The following COL20A1 variants were observed in gnomAD, a reference collection of about 807,000 sequenced individuals.
The protein encoded by COL20A1 is collagen alpha-1(XX) chain.
COL20A1 carries 164 observed loss-of-function variants against 152.9 expected under a neutral mutation model. That is an observed-to-expected ratio of 1.07 (90% CI 0.94 to 1.22). The LOEUF (loss-of-function observed/expected upper bound fraction) is 1.22. Among genes scored for constraint, COL20A1 ranks in the 50% most tolerant of loss-of-function variants. The pLI is 0.00. For missense variants in COL20A1, 1,873 were observed against 1,744.8 expected (o/e 1.07, Z -1.31); for synonymous variants, 864 against 756.0 (o/e 1.14, Z -2.34).
At chr20:63,307,405 G>A in intron 5 of COL20A1, 85 bp from the exon 6 acceptor site, 1 of 1,344,874 alleles carries the variant, frequency 7.4e-7, no homozygotes, top group East Asian at 2.4e-5. Flanking sequence ...TCACTCTTGT[G>A]GCTGGAGCCC....
chr20:63,298,668 C>G (rs1240617362), intron 3 of COL20A1, among the ~76,000 whole-genome samples: 1 of 152,318 alleles, frequency 6.6e-6, no homozygotes, highest in East Asian at 1.9e-4. Flanking sequence ...GGACTCCGCA[C>G]AGCGAACCCC....
intron 31 of COL20A1, 82 bp downstream of exon 31, chr20:63,326,905 C>A: frequency 1.0e-6 from 1 of 979,952 alleles, no homozygotes; most frequent in Non-Finnish European, 1.4e-6. Context: ...CACTCAGGGA[C>A]TTCCTACTGA....
At chr20:63,296,418 A>G (rs2067794602) in intron 2 of COL20A1, among the ~76,000 whole-genome samples, 1 of 152,260 alleles carries the variant, frequency 6.6e-6, no homozygotes, top group South Asian at 2.1e-4. Flanking sequence ...GGGGCCATTG[A>G]GTCCCTGAGG....
intron 31 of COL20A1, chr20:63,327,260 C>T (rs1211604484): frequency 2.1e-5 from 4 of 189,408 alleles, no homozygotes; most frequent in Non-Finnish European, 4.4e-5. Flanking sequence ...TCCTATTGAC[C>T]ACCCAGGGAC....
At chr20:63,314,718 G>A (rs1031255449) in intron 19 of COL20A1, among the ~76,000 whole-genome samples, 11 of 152,052 alleles carry the variant, frequency 7.2e-5, no homozygotes, top group Non-Finnish European at 1.5e-5. Flanking sequence ...GAAGGGTTCC[G>A]AGCACCTGCC....
rs2068055689 is a variant in COL20A1, at chr20:63,314,218, A to AC, written c.2488+21dup. 1 of 1,550,596 alleles carries AC rather than the reference A, an allele frequency of 6.4e-7. No homozygotes were observed. Among genetic ancestry groups the AC allele is most frequent in the Admixed American group, 2.0e-5 (1 of 51,038 alleles). On this transcript the variant is annotated intron_variant, in intron 19 of 35. Coordinates refer to ENST00000358894, the MANE Select transcript of COL20A1 (RefSeq NM_020882.4). The stretch of plus-strand genomic sequence containing the variant: ...GCCAGACAGGTGAGTGGGCACCAAG[A>AC]CCCCAGACCCAGGTAGACCCAGCCC...
chr20:63,310,971 C>T (rs1003361487), intron 11 of COL20A1, among the ~76,000 whole-genome samples: 2 of 152,142 alleles, frequency 1.3e-5, no homozygotes, highest in Non-Finnish European at 2.9e-5. Flanking sequence ...GGCCACAGTT[C>T]ATGTTAGATC....
At position 63,319,029 on chromosome 20, in the gene COL20A1, T is replaced by C; in HGVS notation, c.2664-29T>C. ...GTTTGGCTGCCCTTGGGTCTGCTCA[T>C]GTGCCTCTCCCTCCCCCAACCCCCA... is the stretch of plus-strand genomic sequence containing the variant. On this transcript the variant is annotated intron_variant, in intron 21 of 35. Transcript: ENST00000358894. The surrounding 1 kb of genome is among the most constrained non-coding windows in gnomAD (Gnocchi z 4.4). 6.3e-7 allele frequency: 1 copy of C among 1,586,200 alleles called. No individual in the cohort carries two copies. The highest frequency in any genetic ancestry group is 8.6e-7 in the Non-Finnish European group (1 of 1,156,370).
At position 63,309,427 on chromosome 20, in the gene COL20A1, C is replaced by T. The variant is rs534873902; in HGVS notation, c.1035C>T (p.Gly345=). 3.1e-5 allele frequency: 48 copies of T among 1,548,832 alleles called. 1 individual carries two copies. Among genetic ancestry groups the T allele is most frequent in the Admixed American group, 2.5e-4 (13 of 51,396 alleles). ...GCGTGCTGGACTTCCTGCAGCTCGG[C>T]GCGCTGGCTGGCCTGCTCAGCCGTC... ...VHSVLDFLQL[G]ALAGLLSRLI... is the part of the protein sequence containing the mutation. Residue 345 remains glycine, a synonymous_variant, in exon 9 of 36, where the codon GGC becomes GGT. Transcript: ENST00000358894.
intron 3 of COL20A1, among the ~76,000 whole-genome samples, chr20:63,299,890 G>A (rs949281697): frequency 8.2e-5 from 12 of 146,320 alleles, no homozygotes; most frequent in South Asian, 6.4e-4. Flanking sequence ...ATATATGTAC[G>A]TGTGTGTGTG....
intron 29 of COL20A1, 114 bp downstream of exon 29, chr20:63,325,835 C>CTCCT: frequency 1.0e-6 from 1 of 981,416 alleles, no homozygotes; most frequent in Non-Finnish European, 1.6e-6. Flanking sequence ...TTCTCCTGGG[C>CTCCT]TCCTGCCTCA....
At chr20:63,304,713 G>A (rs1298362136) in intron 3 of COL20A1, among the ~76,000 whole-genome samples, 1 of 151,850 alleles carries the variant, frequency 6.6e-6, no homozygotes, top group African/African-American at 2.4e-5. Flanking sequence ...GTGCGCAGGT[G>A]TGGGTTCCTC....
chr20:63,303,963 CCCT>C (rs746910977), intron 3 of COL20A1, among the ~76,000 whole-genome samples: 7 of 141,726 alleles, frequency 4.9e-5, no homozygotes, highest in Admixed American at 7.0e-5. Flanking sequence ...GTGGGTTCCT[CCCT>C]CCTCTTCTCC....
chr20:63,322,635 A>G (rs1301341318), intron 27 of COL20A1, among the ~76,000 whole-genome samples: 1 of 152,234 alleles, frequency 6.6e-6, no homozygotes, highest in Non-Finnish European at 1.5e-5. Flanking sequence ...CAGCGCGCCC[A>G]GCGATGGCAG....
At position 63,309,372 on chromosome 20, in the gene COL20A1, C is replaced by A; in HGVS notation, c.980C>A (p.Ala327Glu). ...GATGAGGCTGAGCTGAGGCTCCTGG[C>A]GTCCCCGCCGAGGGACATCACCGTC... is the stretch of plus-strand genomic sequence containing the variant. ...NADEAELRLLASPPRDITVHS... is the reference protein window; with the variant it reads ...NADEAELRLLESPPRDITVHS... Residue 327 changes from alanine to glutamate, a missense_variant, in exon 9 of 36, where the codon GCG becomes GAG. Ala to Glu is a moderately radical substitution (Grantham distance 107). Coordinates refer to ENST00000358894, the MANE Select transcript of COL20A1 (RefSeq NM_020882.4). 2.0e-6 allele frequency: 3 copies of A among 1,530,966 alleles called. No homozygotes were observed. Among genetic ancestry groups the A allele is most frequent in the African/African-American group, 1.4e-5 (1 of 72,682 alleles). 94.8% of individuals were successfully genotyped at this position (1,530,966 alleles called of 1,614,324 possible). A position where few individuals can be genotyped will look rare whatever the true frequency, so the allele number is the denominator to read the frequency against.
chr20:63,301,009 C>T (rs1013122975), intron 3 of COL20A1, among the ~76,000 whole-genome samples: 1 of 152,158 alleles, frequency 6.6e-6, no homozygotes. Flanking sequence ...AATATGCTTT[C>T]AGTCCTTTGG....
rs1035076841 is a variant in COL20A1, at chr20:63,319,991, G to A, written c.2917-48G>A. On this transcript the variant is annotated intron_variant, in intron 23 of 35. Coordinates refer to ENST00000358894, the MANE Select transcript of COL20A1 (RefSeq NM_020882.4). The surrounding 1 kb of genome is among the most constrained non-coding windows in gnomAD (Gnocchi z 4.4). ...GGCCTGGCCTTGGGGGCTCAGGTGGGCACCGGCCCCGCCTGGGCTGTGGAG... is the reference window on the plus strand; with the variant it reads ...GGCCTGGCCTTGGGGGCTCAGGTGGACACCGGCCCCGCCTGGGCTGTGGAG... 6.5e-7 allele frequency: 1 copy of A among 1,538,886 alleles called. No individual in the cohort carries two copies.
rs2068052217 is a variant in COL20A1 at position 63,313,983 on chromosome 20, CAT to C, written c.2359-88_2359-87del. 3.1e-6 allele frequency: 5 copies of C among 1,599,950 alleles called. No individual in the cohort carries two copies. Among genetic ancestry groups the C allele is most frequent in the Non-Finnish European group, 3.4e-6 (4 of 1,173,270 alleles). ...TGTCTGCGAAGGGTGGCAGCTCTGCCATGGCGGGACGCAGAGGGAGGCAGCTG... is the reference window on the plus strand; with the variant it reads ...TGTCTGCGAAGGGTGGCAGCTCTGCCGGCGGGACGCAGAGGGAGGCAGCTG... On this transcript the variant is annotated intron_variant, in intron 18 of 35. Coordinates refer to ENST00000358894, the MANE Select transcript of COL20A1 (RefSeq NM_020882.4). This position sits in a 1 kb window ranked among gnomAD's most constrained non-coding sequence, Gnocchi z 5.9.
At position 63,322,067 on chromosome 20, in the gene COL20A1, G is replaced by A; in HGVS notation, c.3250G>A (p.Gly1084Arg). The A allele has an allele frequency of 6.6e-7, 1 of 1,507,546 alleles. No individual in the cohort carries two copies. Among genetic ancestry groups the A allele is most frequent in the Non-Finnish European group, 8.8e-7 (1 of 1,131,876 alleles). The allele number at this position is 1,507,546 out of a possible 1,614,324, so 93.4% of individuals were successfully genotyped here. A position where few individuals can be genotyped will look rare whatever the true frequency, so the allele number is the denominator to read the frequency against. The change falls in exon 27 of 36, where the codon GGG (glycine) becomes AGG (arginine). Residue 1084 changes from glycine (G) to arginine (R), a missense_variant. Transcript: ENST00000358894. ...PGPQGPPGLP[G>R]RNGTPGEQGF... ...GTTTGTGCCTCTGCAGGGCCTCCCT[G>A]GGAGGAATGGCACCCCAGGAGAGCA... is the stretch of plus-strand genomic sequence containing the variant.
Sources: gnomAD v4.1 joint callset for allele counts (sites outside exome capture counted in the v4.1 genomes callset) on GRCh38, gnomAD v4.1.1 for gene constraint, Gnocchi (gnomAD v3.1) non-coding constraint, MANE v1.5 for transcripts, NCBI Gene and HGNC (gene_info 2026-07-23, HGNC 2026-07-21) for gene names.